The following PLCB2 variants were observed in gnomAD, a reference collection of about 807,000 sequenced individuals.
PLCB2 encodes the protein phospholipase C beta 2.
Under a neutral mutation model 141.7 loss-of-function variants are expected in PLCB2, and 115 were observed. The ratio of observed to expected loss-of-function variants is 0.81; its 90% confidence interval spans 0.70 to 0.95. The LOEUF (loss-of-function observed/expected upper bound fraction) is 0.95, where lower values mean the gene tolerates loss of function less well. Ranked by LOEUF, PLCB2 falls within the 40% of genes least tolerant of loss-of-function variation. The pLI, the probability that PLCB2 is intolerant of heterozygous loss-of-function variation, is 0.00. For synonymous variants in PLCB2, 603 were observed against 595.6 expected, an observed-to-expected ratio of 1.01 and a Z score of -0.18; for missense variants, 1,403 against 1,541.1, an observed-to-expected ratio of 0.91 and a Z score of 1.50.
Position 40,295,078 on chromosome 15 carries a change from A to C in PLCB2, c.1782-18T>G. 1 of 1,610,206 alleles carries C rather than the reference A, an allele frequency of 6.2e-7. No individual in the cohort carries two copies. Among genetic ancestry groups the C allele is most frequent in the Non-Finnish European group, 8.5e-7 (1 of 1,177,372 alleles). ...TGTTGTAGCTGTCCCTGAGTTTAGG[A>C]CCCTAGCCAAGGCCATCTGCACCAG... On this transcript the variant is annotated intron_variant, in intron 17 of 31. Transcript: ENST00000260402.
intron 1 of PLCB2, among the ~76,000 whole-genome samples, chr15:40,305,351 C>G (rs371562940): frequency 6.6e-6 from 1 of 152,248 alleles, no homozygotes. Context: ...CCCTTTCCCC[C>G]CACCCCACAA....
intron 3 of PLCB2, among the ~76,000 whole-genome samples, chr15:40,302,948 C>A (rs183204406): frequency 2.6e-4 from 40 of 152,336 alleles, no homozygotes; most frequent in African/African-American, 9.4e-4. Flanking sequence ...CTCCAATTTT[C>A]CTACCAGCAT....
At position 40,288,994 on chromosome 15, in the gene PLCB2, CAGG is replaced by C. The variant is rs2039700939; in HGVS notation, c.3355-79_3355-77del. 6 of 1,557,248 alleles carry C rather than the reference CAGG, an allele frequency of 3.9e-6. No homozygotes were observed. In the South Asian group the frequency reaches 7.1e-5, roughly 18 times the overall value. On this transcript the variant is annotated intron_variant, in intron 31 of 31. Transcript: ENST00000260402. ...ACCCTCGCTCCCTGGACAGTGGGAA[CAGG>C]AGATGCCCAATATCCATGTTCGGAG...
Position 40,288,820 on chromosome 15 carries a change from G to C in PLCB2, c.3453C>G (p.Pro1151=). ...SVRACLRTCF[P]SEAKDKPERA... ...TCTCAGGCTTGTCCTTGGCCTCGGA[G>C]GGAAAGCAGGTCCTGAGGCAGGCCC... Residue 1151 remains proline (P), a synonymous_variant, in exon 32 of 32, where the codon CCC becomes CCG. Coordinates refer to ENST00000260402, the MANE Select transcript of PLCB2 (RefSeq NM_004573.3). 6.2e-7 allele frequency: 1 copy of C among 1,613,928 alleles called. No homozygotes were observed. The highest frequency in any genetic ancestry group is 8.5e-7 in the Non-Finnish European group (1 of 1,179,840).
chr15:40,292,309 C>T (rs886098377), intron 22 of PLCB2, 30 bp downstream of exon 22: 12 of 1,560,450 alleles, frequency 7.7e-6, no homozygotes, highest in African/African-American at 1.4e-5. Flanking sequence ...ACAGACACCC[C>T]GAGGCTCCTG....
intron 18 of PLCB2, among the ~76,000 whole-genome samples, chr15:40,294,704 C>T (rs542000044): frequency 2.6e-5 from 4 of 152,292 alleles, no homozygotes; most frequent in African/African-American, 7.2e-5. Context: ...CTGGGTGGAG[C>T]GGCCAGAACC....
At position 40,298,930 on chromosome 15, in the gene PLCB2, G is replaced by T; in HGVS notation, c.718C>A (p.His240Asn). 6.2e-7 allele frequency: 1 copy of T among 1,608,130 alleles called. No individual in the cohort carries two copies. The highest frequency in any genetic ancestry group is 8.5e-7 in the Non-Finnish European group (1 of 1,179,880). The change falls in exon 9 of 32, where the codon CAC (histidine) becomes AAC (asparagine). Residue 240 changes from histidine to asparagine, a missense_variant. This residue lies in a region of PLCB2 where 975 missense variants were observed against 1,141.1 expected (regional missense o/e 0.85). Transcript: ENST00000260402. ...TTCTGGTTGATGAATTTGGTCAGGT[G>T]CTCCTTCGTCATGTAGGGTTTGGCC... is the stretch of plus-strand genomic sequence containing the variant. ...AKAKPYMTKE[H>N]LTKFINQKQR...
chr15:40,294,920 C>T lies in PLCB2; in HGVS notation c.1906+16G>A. The T allele has an allele frequency of 6.2e-7, 1 of 1,614,020 alleles. No homozygotes were observed. The highest frequency in any genetic ancestry group is 8.5e-7 in the Non-Finnish European group (1 of 1,179,930). ...GGACCAGGGAAGGATTCTTAGGGGCCTGGGAATGCCCTCACCCATCGTCTG... is the reference window on the plus strand; with the variant it reads ...GGACCAGGGAAGGATTCTTAGGGGCTTGGGAATGCCCTCACCCATCGTCTG... On this transcript the variant is annotated intron_variant, in intron 18 of 31. Coordinates refer to ENST00000260402, the MANE Select transcript of PLCB2 (RefSeq NM_004573.3).
chr15:40,293,451 G>T, intron 20 of PLCB2, 109 bp downstream of exon 20: 1 of 1,083,912 alleles, frequency 9.2e-7, no homozygotes, highest in Non-Finnish European at 1.4e-6. Context: ...GTGAGGGATG[G>T]GAAGAGGAGG....
intron 29 of PLCB2, 71 bp from the exon 30 acceptor site, chr15:40,290,153 G>C (rs549426304): frequency 1.0e-6 from 1 of 964,236 alleles, no homozygotes; most frequent in African/African-American, 1.6e-5. Context: ...TGAAGTCTAC[G>C]CAGGATGTAG....
In PLCB2 at chr15:40,291,324, C is replaced by T. The variant is rs1052758183; in HGVS notation, c.2811G>A (p.Pro937=). 1.4e-5 allele frequency: 21 copies of T among 1,536,886 alleles called. No individual in the cohort carries two copies. The highest frequency in any genetic ancestry group is 2.8e-5 in the African/African-American group (2 of 71,800). The change falls in exon 26 of 32, where the codon CCG becomes CCA. Residue 937 remains proline, a synonymous_variant. Coordinates refer to ENST00000260402, the MANE Select transcript of PLCB2 (RefSeq NM_004573.3). ...GAAQLAELGP[P]GVGGVGACKL... is the part of the protein sequence containing the mutation. ...TGCAGGCCCCGACGCCCCCCACGCCCGGTGGCCCGAGCTCCGCCAGCTGCG... is the reference window on the plus strand; with the variant it reads ...TGCAGGCCCCGACGCCCCCCACGCCTGGTGGCCCGAGCTCCGCCAGCTGCG...
chr15:40,297,974 G>A lies in PLCB2; in HGVS notation c.1156-15C>T. 1.3e-6 allele frequency: 2 copies of A among 1,567,728 alleles called. No individual in the cohort carries two copies. The highest frequency in any genetic ancestry group is 1.8e-6 in the Non-Finnish European group (2 of 1,138,832). ...TCAATTGCTTCCTGGAGGAGAAGGA[G>A]ACTCCATGAACAGAAGGTCAGCGTT... On this transcript the variant is annotated splice_polypyrimidine_tract_variant and intron_variant, in intron 11 of 31. Coordinates refer to ENST00000260402, the MANE Select transcript of PLCB2 (RefSeq NM_004573.3). The surrounding 1 kb of genome is among the most constrained non-coding windows in gnomAD (Gnocchi z 4.2).
At chr15:40,285,440 T>C (rs1200004347), downstream of PLCB2, 1 of 770,106 alleles carries the variant, frequency 1.3e-6, no homozygotes, top group East Asian at 1.3e-4. Context: ...AAGAACAAGT[T>C]AGAAAGTGTC....
At chr15:40,305,305 C>G (rs1405805350) in intron 1 of PLCB2, among the ~76,000 whole-genome samples, 1 of 151,734 alleles carries the variant, frequency 6.6e-6, no homozygotes, top group African/African-American at 2.4e-5. Flanking sequence ...TTTTAAGCCT[C>G]GCATGCATTA....
At chr15:40,292,261 C>G in intron 22 of PLCB2, 78 bp downstream of exon 22, 1 of 1,502,800 alleles carries the variant, frequency 6.7e-7, no homozygotes, top group Non-Finnish European at 9.2e-7. Flanking sequence ...GGATCCCACC[C>G]CAACTCTGGA....
chr15:40,286,780 G>A (rs183931484), downstream of PLCB2, among the ~76,000 whole-genome samples: 9 of 152,234 alleles, frequency 5.9e-5, no homozygotes, highest in Non-Finnish European at 1.3e-4. Context: ...TTTTTGGGAG[G>A]AAAGCAGGGA....
intron 7 of PLCB2, among the ~76,000 whole-genome samples, chr15:40,300,064 C>T (rs1431946227): frequency 6.6e-6 from 1 of 152,208 alleles, no homozygotes; most frequent in Admixed American, 6.5e-5. Flanking sequence ...AAACCCCACA[C>T]AGCACTTTGG....
rs1193076170 is a variant in PLCB2 at position 40,290,662 on chromosome 15, CTT to C, written c.3122_3123del (p.Lys1041ArgfsTer35). ...TTTGTCTCCAGCTTTTTCTTCATCT[CTT>C]TGGTGTCGCTGCAGAGAGACAGGCA... is the stretch of plus-strand genomic sequence containing the variant. ...ALKETSENDT[K>X]EMKKKLETKR... On this transcript the variant is annotated frameshift_variant, in exon 29 of 32. Coordinates refer to ENST00000260402, the MANE Select transcript of PLCB2 (RefSeq NM_004573.3). LOFTEE classifies it high-confidence loss of function. 5 of 1,613,926 alleles carry C rather than the reference CTT, an allele frequency of 3.1e-6. No individual in the cohort carries two copies. The Admixed American group carries it at 6.7e-5, about 22-fold the overall frequency.
chr15:40,302,517 C>T lies in PLCB2; in HGVS notation c.324G>A (p.Val108=), dbSNP rs754988188. The change falls in exon 4 of 32, where the codon GTG becomes GTA. Residue 108 remains valine (V), a synonymous_variant. Transcript: ENST00000260402. ...AGACGAAGTTGTGGAAGGTGAGGTC[C>T]ACCATGTCCGGGCCGGACACCACCG... ...TLTVVSGPDM[V]DLTFHNFVSY... is the part of the protein sequence containing the mutation. 6.2e-7 allele frequency: 1 copy of T among 1,614,174 alleles called. No individual in the cohort carries two copies. Among genetic ancestry groups the T allele is most frequent in the South Asian group, 1.1e-5 (1 of 91,080 alleles).
Sources: allele counts gnomAD v4.1 joint callset (sites outside exome capture counted in the v4.1 genomes callset), GRCh38; gene constraint gnomAD v4.1.1; regional missense constraint gnomAD v4.1.1; non-coding constraint Gnocchi (gnomAD v3.1); transcripts MANE v1.5; gene names NCBI Gene and HGNC (gene_info 2026-07-23, HGNC 2026-07-21).